The following SPATA21 variants were observed in gnomAD, a reference collection of about 807,000 sequenced individuals.
SPATA21 encodes spermatogenesis-associated protein 21.
SPATA21 carries 47 observed loss-of-function variants against 54.8 expected under a neutral mutation model. That is an observed-to-expected ratio of 0.86 (90% CI 0.68 to 1.09). The LOEUF (loss-of-function observed/expected upper bound fraction) is 1.09, where lower values mean the gene tolerates loss of function less well. Ranked by LOEUF, SPATA21 falls within the 50% of genes least tolerant of loss-of-function variation. The pLI, the probability that SPATA21 is intolerant of heterozygous loss-of-function variation, is 0.00. For synonymous variants in SPATA21, 245 were observed against 235.3 expected, an observed-to-expected ratio of 1.04 and a Z score of -0.38; for missense variants, 599 against 596.4, an observed-to-expected ratio of 1.00 and a Z score of -0.05.
chr1:16,419,296 C>T (rs2086105029), intron 5 of SPATA21, among the ~76,000 whole-genome samples: 1 of 152,060 alleles, frequency 6.6e-6, no homozygotes, highest in South Asian at 2.1e-4. Context: ...GGAGGTTAGA[C>T]CAGAGTGGCT....
intron 3 of SPATA21, 105 bp downstream of exon 3, chr1:16,431,233 A>C: frequency 6.2e-7 from 1 of 1,605,112 alleles, no homozygotes; most frequent in Non-Finnish European, 8.5e-7. Flanking sequence ...CATGGGGTGC[A>C]GGTCCCTACC....
At chr1:16,402,386 C>T (rs184812662) in intron 10 of SPATA21, among the ~76,000 whole-genome samples, 4,286 of 150,328 alleles carry the variant, frequency 0.029, 215 homozygotes, top group African/African-American at 0.099. Context: ...CTCAGCCTCC[C>T]GAGTAGCTGG....
intron 3 of SPATA21, chr1:16,427,900 A>G (rs2086363045): frequency 1.3e-6 from 2 of 1,549,806 alleles, no homozygotes; most frequent in South Asian, 2.4e-5. Context: ...CTGGATTCTG[A>G]GCTCTGAAGG....
Position 16,409,979 on chromosome 1 carries a change from G to C in SPATA21, c.209C>G (p.Ala70Gly), listed in dbSNP as rs141705517. ...GAGGCTCTGTGTCCCTGCAGCCACCGCGGGCTTCTGAGGCTGCTGCTGCGC... is the reference window on the plus strand; with the variant it reads ...GAGGCTCTGTGTCCCTGCAGCCACCCCGGGCTTCTGAGGCTGCTGCTGCGC... ...DRAQQQPQKPAVAAGTQSLGN... is the reference protein window; with the variant it reads ...DRAQQQPQKPGVAAGTQSLGN... The change falls in exon 6 of 13, where the codon GCG becomes GGG. Residue 70 changes from alanine to glycine, a missense_variant. By Grantham distance (60) the Ala-to-Gly change is moderately conservative (BLOSUM62 0). Coordinates refer to ENST00000335496, the MANE Select transcript of SPATA21 (RefSeq NM_198546.1). The surrounding 1 kb of genome is among the most constrained non-coding windows in gnomAD (Gnocchi z 4.1). The C allele has an allele frequency of 1.9e-6, 3 of 1,606,156 alleles. No homozygotes were observed. The highest frequency in any genetic ancestry group is 2.6e-6 in the Non-Finnish European group (3 of 1,176,306).
At chr1:16,407,937 T>TA (rs1424255259) in intron 7 of SPATA21, among the ~76,000 whole-genome samples, 1 of 152,140 alleles carries the variant, frequency 6.6e-6, no homozygotes, top group Admixed American at 6.6e-5. Context: ...GGCTAATTTT[T>TA]AAAGTTTTTG....
intron 3 of SPATA21, 132 bp downstream of exon 3, chr1:16,431,206 G>T: frequency 1.3e-6 from 2 of 1,568,966 alleles, no homozygotes; most frequent in Non-Finnish European, 1.7e-6. Context: ...TGCCAGCTAG[G>T]AGTGAATGGA....
intron 3 of SPATA21, among the ~76,000 whole-genome samples, chr1:16,424,446 G>T (rs2086267235): frequency 6.6e-6 from 1 of 150,552 alleles, no homozygotes; most frequent in Non-Finnish European, 1.5e-5. Context: ...TTGAGACAGG[G>T]TTTCACTCTG....
chr1:16,412,892 C>A (rs868488484), intron 5 of SPATA21, among the ~76,000 whole-genome samples: 2 of 152,000 alleles, frequency 1.3e-5, no homozygotes, highest in Middle Eastern at 3.4e-3. Context: ...TGAGCAATTC[C>A]CCTGCTTCAG....
At position 16,409,074 on chromosome 1, in the gene SPATA21, G is replaced by A. The variant is rs763403056; in HGVS notation, c.673+44C>T. ...GCGCCTATAAACCCCCAAGGACCAA[G>A]GGTCCTGCCTGTGCTGGGACCTCCC... On this transcript the variant is annotated intron_variant, in intron 7 of 12. Coordinates refer to ENST00000335496, the MANE Select transcript of SPATA21 (RefSeq NM_198546.1). This position sits in a 1 kb window ranked among gnomAD's most constrained non-coding sequence, Gnocchi z 4.1. 1.9e-6 allele frequency: 3 copies of A among 1,597,278 alleles called. No homozygotes were observed. In the South Asian group the frequency reaches 3.3e-5, roughly 18 times the overall value.
chr1:16,425,725 T>C, intron 3 of SPATA21: 1 of 1,548,216 alleles, frequency 6.5e-7, no homozygotes, highest in Non-Finnish European at 8.7e-7. Flanking sequence ...AAGAGGGCTG[T>C]TTCTTCCTGG....
intron 5 of SPATA21, among the ~76,000 whole-genome samples, chr1:16,417,445 T>A (rs946352913): frequency 1.3e-5 from 2 of 149,132 alleles, no homozygotes; most frequent in Non-Finnish European, 3.0e-5. Flanking sequence ...GGGCTTTTTT[T>A]TTTTTTTTTT....
chr1:16,407,886 C>A (rs1416190647), intron 7 of SPATA21, among the ~76,000 whole-genome samples: 1 of 152,208 alleles, frequency 6.6e-6, no homozygotes, highest in Non-Finnish European at 1.5e-5. Context: ...CCACCTCAGC[C>A]TCCTGGGTAG....
intron 5 of SPATA21, among the ~76,000 whole-genome samples, chr1:16,418,456 T>C (rs1222872681): frequency 1.4e-5 from 2 of 148,056 alleles, no homozygotes; most frequent in African/African-American, 5.0e-5. Context: ...GTATTTTTAG[T>C]AGAGAAGCGG....
chr1:16,397,542 G>A (rs1331723589), downstream of SPATA21: 1 of 152,248 alleles, frequency 6.6e-6, no homozygotes, highest in Non-Finnish European at 1.5e-5. The surrounding 1 kb of genome is among the most constrained non-coding windows in gnomAD (Gnocchi z 5.4). Context: ...GCAGAAACCT[G>A]AGGCTGCTGC....
chr1:16,424,250 T>G (rs1378785965), intron 3 of SPATA21, among the ~76,000 whole-genome samples: 1 of 5,112 alleles, frequency 2.0e-4, no homozygotes. Context: ...GAGGCAGAGC[T>G]TGCAGTGAGC....
Position 16,431,340 on chromosome 1 carries a change from T to C in SPATA21, c.32A>G (p.Glu11Gly). MDNRNTQMYT[E>G]EEKTVNPFLP... ...CGTCCCTGGAGCCTTGGTTCTACCC[T>C]CCGTGTACATCTGGGTGTTTCTATT... The change falls in exon 3 of 13, where the codon GAG (glutamate) becomes GGG (glycine). Residue 11 changes from glutamate to glycine, a missense_variant and splice_region_variant. Glu to Gly is a moderately conservative substitution (Grantham distance 98). Transcript: ENST00000335496. 2 of 1,614,134 alleles carry C rather than the reference T, an allele frequency of 1.2e-6. No homozygotes were observed. Among genetic ancestry groups the C allele is most frequent in the Non-Finnish European group, 8.5e-7 (1 of 1,180,016 alleles).
chr1:16,404,087 C>G (rs17419150), intron 8 of SPATA21, 48 bp from the exon 9 acceptor site: 585,938 of 1,502,446 alleles, frequency 0.39, 120,018 homozygotes, highest in East Asian at 0.7. Flanking sequence ...CGGAGCAGGT[C>G]CATGCCTTGC....
In SPATA21 at chr1:16,431,880, C is replaced by A. The variant is rs368838375; in HGVS notation, c.-51-458G>T. On this transcript the variant is annotated intron_variant, in intron 2 of 12. Transcript: ENST00000335496. ...CTCTTTCCTGTACAACTTCTCAGAGCCTTTAAAATACTAATGTGCCTTTTA... is the reference window on the plus strand; with the variant it reads ...CTCTTTCCTGTACAACTTCTCAGAGACTTTAAAATACTAATGTGCCTTTTA... 4.6e-5 allele frequency among the ~76,000 whole-genome samples: 7 copies of A among 152,216 alleles called. No individual in the cohort carries two copies. In the East Asian group the frequency reaches 1.2e-3, roughly 25 times the overall value.
At chr1:16,411,478 C>T (rs1436645816) in intron 5 of SPATA21, among the ~76,000 whole-genome samples, 1 of 152,140 alleles carries the variant, frequency 6.6e-6, no homozygotes, top group African/African-American at 2.4e-5. Context: ...GCCACCAAAA[C>T]CGCTAATCTT....
Sources: allele counts gnomAD v4.1 joint callset (sites outside exome capture counted in the v4.1 genomes callset), GRCh38; gene constraint gnomAD v4.1.1; non-coding constraint Gnocchi (gnomAD v3.1); transcripts MANE v1.5; gene names NCBI Gene and HGNC (gene_info 2026-07-23, HGNC 2026-07-21).